Variants in TLE1 observed in about 807,000 individuals in gnomAD.
TLE1 encodes the protein transducin-like enhancer protein 1.
A neutral mutation model predicts 89.8 loss-of-function variants in TLE1; 21 were observed. The observed-to-expected ratio is 0.23, with a 90% confidence interval of 0.17 to 0.34. The LOEUF (loss-of-function observed/expected upper bound fraction) is 0.34, where lower values mean the gene tolerates loss of function less well. TLE1 is among the 10% of genes least tolerant of loss of function. TLE1 has a pLI of 1.00. For missense variants in TLE1, 795 were observed against 1,031.2 expected (o/e 0.77, Z 3.14); for synonymous variants, 447 against 407.6 (o/e 1.10, Z -1.16).
intron 4 of TLE1, among the ~76,000 whole-genome samples, chr9:81,680,404 C>T (rs139643002): frequency 6.6e-6 from 1 of 152,184 alleles, no homozygotes; most frequent in Non-Finnish European, 1.5e-5. Context: ...CCCAACTCCC[C>T]CTGTTGGATC....
intron 4 of TLE1, among the ~76,000 whole-genome samples, chr9:81,658,335 G>T (rs1159642): frequency 0.048 from 7,329 of 152,252 alleles, 218 homozygotes; most frequent in Non-Finnish European, 0.073. Flanking sequence ...GACTGGATAA[G>T]CCTGAAACAG....
intron 6 of TLE1, among the ~76,000 whole-genome samples, chr9:81,636,666 T>A (rs1827401595): frequency 6.6e-6 from 1 of 152,052 alleles, no homozygotes; most frequent in African/African-American, 2.4e-5. Flanking sequence ...GTGGGATTCT[T>A]ATGTCAGACC....
chr9:81,634,553 A>G (rs1192177136), intron 6 of TLE1, among the ~76,000 whole-genome samples: 1 of 151,624 alleles, frequency 6.6e-6, no homozygotes, highest in Non-Finnish European at 1.5e-5. Context: ...TTCCCAAAAT[A>G]TAATCCTCAC....
Position 81,688,295 on chromosome 9 carries a change from T to C in TLE1, c.-55A>G. ...CCGGCAACTCAATTCTCCGGTCAAT[T>C]TCCAACTTTAATCCCGCCGAGGAAA... On this transcript the variant is annotated 5_prime_UTR_variant, in exon 1 of 20. Coordinates refer to ENST00000376499, the MANE Select transcript of TLE1 (RefSeq NM_005077.5). The C allele has an allele frequency of 6.6e-7, 1 of 1,508,142 alleles. No homozygotes were observed. The highest frequency in any genetic ancestry group is 8.8e-7 in the Non-Finnish European group (1 of 1,131,816). 93.4% of individuals were successfully genotyped at this position (1,508,142 alleles called of 1,614,324 possible). A position where few individuals can be genotyped will look rare whatever the true frequency, so the allele number is the denominator to read the frequency against.
chr9:81,649,187 CG>C (rs1829238269), intron 6 of TLE1, among the ~76,000 whole-genome samples: 1 of 152,050 alleles, frequency 6.6e-6, no homozygotes, highest in African/African-American at 2.4e-5. Context: ...TCTTAAATAC[CG>C]GTACTCTATG....
At chr9:81,676,173 G>A (rs1298495046) in intron 4 of TLE1, among the ~76,000 whole-genome samples, 3 of 152,066 alleles carry the variant, frequency 2.0e-5, no homozygotes, top group African/African-American at 7.2e-5. Flanking sequence ...ATTTTCAAAC[G>A]TTCAGGGTCC....
chr9:81,643,391 C>T (rs1221491977), intron 6 of TLE1, among the ~76,000 whole-genome samples: 1 of 152,078 alleles, frequency 6.6e-6, no homozygotes, highest in African/African-American at 2.4e-5. Flanking sequence ...CATGTGCCAC[C>T]ACGCCAGGCT....
At chr9:81,634,341 G>A in intron 6 of TLE1, 40 bp from the exon 7 acceptor site, 1 of 1,439,402 alleles carries the variant, frequency 6.9e-7, no homozygotes. Context: ...GGAGGAGGAG[G>A]AGGAGGTAGT....
chr9:81,610,300 G>A lies in TLE1; in HGVS notation c.1255-4C>T. On this transcript the variant is annotated splice_region_variant and splice_polypyrimidine_tract_variant and intron_variant, in intron 13 of 19. Coordinates refer to ENST00000376499, the MANE Select transcript of TLE1 (RefSeq NM_005077.5). ...GAGGGGGAGGATCAAACCCCACCTG[G>A]AAACAAAAATAAGGCATTGCAGACT... is the stretch of plus-strand genomic sequence containing the variant. 5.0e-6 allele frequency: 8 copies of A among 1,613,138 alleles called. No homozygotes were observed. Among genetic ancestry groups the A allele is most frequent in the Non-Finnish European group, 6.8e-6 (8 of 1,179,536 alleles).
chr9:81,625,609 A>G (rs1156973585), intron 8 of TLE1, among the ~76,000 whole-genome samples: 1 of 152,230 alleles, frequency 6.6e-6, no homozygotes, highest in Non-Finnish European at 1.5e-5. Context: ...CCTTCATGTA[A>G]GAACTTACAA....
At chr9:81,607,796 C>G (rs1245250283) in intron 14 of TLE1, among the ~76,000 whole-genome samples, 1 of 152,184 alleles carries the variant, frequency 6.6e-6, no homozygotes, top group Admixed American at 6.5e-5. Context: ...CATGGGTACT[C>G]AACTGGAAGA....
Position 81,584,507 on chromosome 9 carries a change from T to C in TLE1, c.2146A>G (p.Thr716Ala). ...FAYCGKWFVS[T>A]GKDNLLNAWR... ...GCATTGAGGAGGTTATCTTTTCCAG[T>C]ACTCACAAACCATTTACCTAGAATT... The change falls in exon 19 of 20, where the codon ACT becomes GCT. Residue 716 changes from threonine (T) to alanine (A), a missense_variant. Around this residue, in one of 4 missense-constraint regions of TLE1, gnomAD observed 214 missense variants for 354.9 expected, o/e 0.60. Transcript: ENST00000376499. The C allele has an allele frequency of 6.2e-7, 1 of 1,614,210 alleles. No homozygotes were observed. Among genetic ancestry groups the C allele is most frequent in the Non-Finnish European group, 8.5e-7 (1 of 1,180,042 alleles).
intron 7 of TLE1, 132 bp from the exon 8 acceptor site, chr9:81,633,496 TAA>T (rs1197332371): frequency 2.4e-5 from 30 of 1,232,362 alleles, no homozygotes; most frequent in Non-Finnish European, 3.0e-5. Flanking sequence ...TTTATTTATA[TAA>T]GTCATTGCAC....
At chr9:81,687,106 A>G (rs1834385685) in intron 2 of TLE1, among the ~76,000 whole-genome samples, 1 of 152,234 alleles carries the variant, frequency 6.6e-6, no homozygotes, top group Non-Finnish European at 1.5e-5. Flanking sequence ...GACTCCCTGG[A>G]ACAGTGCAAA....
At chr9:81,589,633 C>G (rs1297565409) in intron 16 of TLE1, among the ~76,000 whole-genome samples, 1 of 152,274 alleles carries the variant, frequency 6.6e-6, no homozygotes, top group East Asian at 1.9e-4. Flanking sequence ...CTTACCCTCT[C>G]TGAGCCTCAG....
chr9:81,666,167 A>G (rs1831438764), intron 4 of TLE1, among the ~76,000 whole-genome samples: 1 of 152,104 alleles, frequency 6.6e-6, no homozygotes, highest in South Asian at 2.1e-4. Flanking sequence ...AGGATGGAAA[A>G]AGGACAGCTT....
intron 14 of TLE1, among the ~76,000 whole-genome samples, chr9:81,601,401 C>A (rs1032723379): frequency 1.1e-4 from 17 of 152,102 alleles, no homozygotes; most frequent in African/African-American, 3.9e-4. Context: ...TTTATTTAAA[C>A]ACTAAACAAG....
At chr9:81,622,025 C>T (rs1375396324) in intron 8 of TLE1, among the ~76,000 whole-genome samples, 1 of 152,090 alleles carries the variant, frequency 6.6e-6, no homozygotes, top group African/African-American at 2.4e-5. Flanking sequence ...CGGCTGGATC[C>T]CCGAACTAAT....
intron 9 of TLE1, among the ~76,000 whole-genome samples, chr9:81,616,938 T>C (rs1311046343): frequency 6.6e-6 from 1 of 152,168 alleles, no homozygotes; most frequent in Non-Finnish European, 1.5e-5. Flanking sequence ...GCAAACCAAC[T>C]ATCCAATCAC....
Sources: gnomAD v4.1 joint callset for allele counts (sites outside exome capture counted in the v4.1 genomes callset) on GRCh38, gnomAD v4.1.1 for gene constraint, gnomAD v4.1.1 regional missense constraint, MANE v1.5 for transcripts, NCBI Gene and HGNC (gene_info 2026-07-23, HGNC 2026-07-21) for gene names.